TSPAN5: variants seen among roughly 807,000 people sequenced by gnomAD.
The protein encoded by TSPAN5 is tetraspanin-5.
A neutral mutation model predicts 37.1 loss-of-function variants in TSPAN5; 10 were observed. The observed-to-expected ratio is 0.27, with a 90% CI of 0.17 to 0.46. TSPAN5 has a LOEUF of 0.46. Ranked by LOEUF, TSPAN5 falls within the 20% of genes least tolerant of loss-of-function variation. TSPAN5 has a pLI of 1.00. For synonymous variants in TSPAN5, 110 were observed against 118.9 expected (o/e 0.93, Z 0.48); for missense variants, 195 against 326.6 (o/e 0.60, Z 3.11).
At chr4:98,599,258 A>G (rs570201129) in intron 1 of TSPAN5, among the ~76,000 whole-genome samples, 13 of 152,278 alleles carry the variant, frequency 8.5e-5, no homozygotes, top group African/African-American at 3.1e-4. Context: ...CTCCTGCGTC[A>G]GCCTCCTGAG....
At chr4:98,556,671 C>T (rs967243170) in intron 1 of TSPAN5, among the ~76,000 whole-genome samples, 117 of 152,268 alleles carry the variant, frequency 7.7e-4, no homozygotes, top group African/African-American at 2.6e-3. Context: ...GATGTGGTAG[C>T]AAATGCCAAA....
At chr4:98,553,057 A>G (rs544606196) in intron 1 of TSPAN5, among the ~76,000 whole-genome samples, 4 of 152,236 alleles carry the variant, frequency 2.6e-5, no homozygotes, top group Non-Finnish European at 5.9e-5. Context: ...CCATGATGCT[A>G]GCCAACAATG....
intron 1 of TSPAN5, among the ~76,000 whole-genome samples, chr4:98,624,394 T>C (rs1260684488): frequency 1.3e-5 from 2 of 152,080 alleles, no homozygotes; most frequent in African/African-American, 4.8e-5. Context: ...GATGAGGAGA[T>C]AAAGTCAAGA....
intron 1 of TSPAN5, among the ~76,000 whole-genome samples, chr4:98,652,195 A>G (rs1757205268): frequency 6.6e-6 from 1 of 152,142 alleles, no homozygotes; most frequent in South Asian, 2.1e-4. Context: ...TGTTTCAGAC[A>G]ATGCGCAAGA....
At chr4:98,655,780 T>C (rs1017663616) in intron 1 of TSPAN5, among the ~76,000 whole-genome samples, 1 of 152,208 alleles carries the variant, frequency 6.6e-6, no homozygotes, top group South Asian at 2.1e-4. Flanking sequence ...AACATCTTAG[T>C]CTGAATTACT....
chr4:98,539,268 T>C (rs889315141), intron 1 of TSPAN5, among the ~76,000 whole-genome samples: 1 of 152,232 alleles, frequency 6.6e-6, no homozygotes, highest in Non-Finnish European at 1.5e-5. Context: ...TCTCTGTTTC[T>C]TATTTGCATC....
intron 1 of TSPAN5, among the ~76,000 whole-genome samples, chr4:98,510,859 C>T (rs1473248555): frequency 6.6e-6 from 1 of 152,208 alleles, no homozygotes; most frequent in East Asian, 1.9e-4. Flanking sequence ...TAGCAAATGT[C>T]CTCCCAATTA....
intron 1 of TSPAN5, among the ~76,000 whole-genome samples, chr4:98,566,583 C>T (rs1018185428): frequency 6.6e-6 from 1 of 152,176 alleles, no homozygotes; most frequent in Non-Finnish European, 1.5e-5. Flanking sequence ...AAGCAGGGGG[C>T]CAGGGCTGAG....
intron 1 of TSPAN5, among the ~76,000 whole-genome samples, chr4:98,600,973 T>C (rs982966135): frequency 1.5e-4 from 23 of 152,240 alleles, no homozygotes; most frequent in African/African-American, 5.3e-4. Flanking sequence ...TTAGCAAGCA[T>C]GAAAGCAAAT....
chr4:98,548,070 C>G (rs1754513486), intron 1 of TSPAN5, among the ~76,000 whole-genome samples: 1 of 149,830 alleles, frequency 6.7e-6, no homozygotes, highest in Non-Finnish European at 1.5e-5. Flanking sequence ...CACACATACA[C>G]AATTTTGCTA....
chr4:98,558,485 G>A (rs1578991746), intron 1 of TSPAN5, among the ~76,000 whole-genome samples: 1 of 152,200 alleles, frequency 6.6e-6, no homozygotes, highest in Non-Finnish European at 1.5e-5. Context: ...TAAACGGCTT[G>A]TGCACCGCTG....
chr4:98,651,262 T>C (rs562987943), intron 1 of TSPAN5, among the ~76,000 whole-genome samples: 214 of 152,236 alleles, frequency 1.4e-3, no homozygotes, highest in African/African-American at 4.9e-3. Flanking sequence ...AAACACAAAC[T>C]GAGGGACATT....
intron 1 of TSPAN5, among the ~76,000 whole-genome samples, chr4:98,531,290 A>G (rs1346830592): frequency 1.3e-5 from 2 of 151,732 alleles, no homozygotes; most frequent in African/African-American, 4.8e-5. Context: ...TCCTTGTTCA[A>G]CTCCCACTTA....
At chr4:98,487,785 C>T (rs953651608) in intron 2 of TSPAN5, among the ~76,000 whole-genome samples, 2 of 152,134 alleles carry the variant, frequency 1.3e-5, no homozygotes, top group African/African-American at 2.4e-5. Context: ...TCCACAAGAA[C>T]ACCAAACGGA....
chr4:98,531,995 C>A (rs1242091196), intron 1 of TSPAN5, among the ~76,000 whole-genome samples: 1 of 152,128 alleles, frequency 6.6e-6, no homozygotes, highest in Non-Finnish European at 1.5e-5. Flanking sequence ...AAATTTTCTC[C>A]CACCTTGTAG....
intron 1 of TSPAN5, among the ~76,000 whole-genome samples, chr4:98,555,447 G>A (rs930383915): frequency 2.0e-5 from 3 of 152,002 alleles, no homozygotes; most frequent in Non-Finnish European, 4.4e-5. Context: ...CCACCTTTGC[G>A]AATTTATTCC....
intron 1 of TSPAN5, among the ~76,000 whole-genome samples, chr4:98,622,012 A>G (rs1025583382): frequency 1.2e-4 from 19 of 152,192 alleles, no homozygotes; most frequent in Non-Finnish European, 2.2e-4. Context: ...TTACCCATTC[A>G]TCAGGGACAA....
At chr4:98,576,940 T>C (rs1755252197) in intron 1 of TSPAN5, among the ~76,000 whole-genome samples, 1 of 152,200 alleles carries the variant, frequency 6.6e-6, no homozygotes, top group Non-Finnish European at 1.5e-5. Flanking sequence ...TTTGTATTTT[T>C]AGTAGAAATG....
intron 1 of TSPAN5, among the ~76,000 whole-genome samples, chr4:98,605,141 T>G (rs1467475794): frequency 6.6e-6 from 1 of 152,192 alleles, no homozygotes; most frequent in African/African-American, 2.4e-5. Flanking sequence ...TTCTCTTTTT[T>G]GTTGTTGTTG....
Sources: allele counts gnomAD v4.1 joint callset (sites outside exome capture counted in the v4.1 genomes callset), GRCh38; gene constraint gnomAD v4.1.1; transcripts MANE v1.5; gene names NCBI Gene and HGNC (gene_info 2026-07-23, HGNC 2026-07-21).